PRKAR1A: variants seen among roughly 807,000 people sequenced by gnomAD.
PRKAR1A encodes cAMP-dependent protein kinase type I-alpha regulatory subunit.
A neutral mutation model predicts 52.0 loss-of-function variants in PRKAR1A; 3 were observed. That is an observed-to-expected ratio of 0.06 (90% CI 0.03 to 0.15). The LOEUF is 0.15. Among genes scored for constraint, PRKAR1A ranks in the 10% least tolerant of loss-of-function variants. PRKAR1A has a pLI of 1.00. For missense variants in PRKAR1A, 240 were observed against 477.4 expected (o/e 0.50, Z 4.63); for synonymous variants, 188 against 168.4 (o/e 1.12, Z -0.90).
the PRKAR1A span, chr17:68,444,574 G>A: frequency 6.2e-7 from 1 of 1,613,782 alleles, no homozygotes; most frequent in East Asian, 2.2e-5. Context: ...GACTCTTCTA[G>A]GCAAACCAGC....
Position 68,531,829 on chromosome 17 carries a change from A to G in PRKAR1A, c.*1380A>G, listed in dbSNP as rs898390350. 47 of 1,034,946 alleles carry G rather than the reference A, an allele frequency of 4.5e-5. No homozygotes were observed. Among genetic ancestry groups the G allele is most frequent in the African/African-American group, 6.6e-5 (4 of 60,342 alleles). 64.1% of individuals were successfully genotyped at this position (1,034,946 alleles called of 1,614,324 possible). A position where few individuals can be genotyped will look rare whatever the true frequency, so the allele number is the denominator to read the frequency against. Reference sequence around the variant, plus strand: ...AACAGTTTATTTTTATTATTTTTTTAAACAAAATTTCACAGTTCTGTAATG... The same window carrying G: ...AACAGTTTATTTTTATTATTTTTTTGAACAAAATTTCACAGTTCTGTAATG... On this transcript the variant is annotated 3_prime_UTR_variant, in exon 11 of 11. Transcript: ENST00000589228.
At chr17:68,535,087 T>C (rs988584344), downstream of PRKAR1A, 1 of 359,726 alleles carries the variant, frequency 2.8e-6, no homozygotes, top group Non-Finnish European at 5.4e-6. Flanking sequence ...CATTTTTTAG[T>C]TTGCTGTCAG....
At chr17:68,436,219 C>A in the PRKAR1A span, among the ~76,000 whole-genome samples, 1 of 152,302 alleles carries the variant, frequency 6.6e-6, no homozygotes, top group East Asian at 1.9e-4. Flanking sequence ...TGACTCACAG[C>A]AAGCCCGAGG....
At chr17:68,475,608 C>T in the PRKAR1A span, among the ~76,000 whole-genome samples, 3 of 152,124 alleles carry the variant, frequency 2.0e-5, no homozygotes, top group Admixed American at 1.3e-4. Context: ...GGACTACAGG[C>T]GTGTGCCACC....
the PRKAR1A span, chr17:68,422,023 T>TA: frequency 1.7e-6 from 1 of 605,786 alleles, no homozygotes; most frequent in Non-Finnish European, 3.0e-6. Context: ...TTCTAGAAAA[T>TA]ACTGACTATA....
chr17:68,534,752 G>A (rs2086057670), downstream of PRKAR1A, among the ~76,000 whole-genome samples: 1 of 152,100 alleles, frequency 6.6e-6, no homozygotes, highest in Non-Finnish European at 1.5e-5. Context: ...TTTGCCATGA[G>A]TACAATGTTA....
In PRKAR1A at chr17:68,530,919, A is replaced by G. The variant is rs150903263; in HGVS notation, c.*470A>G. Reference sequence around the variant, plus strand: ...ACTCTAAAGATTAGGGAAAATGGATATAGAAAATCTTAGTATAGTAGAAAG... The same window carrying G: ...ACTCTAAAGATTAGGGAAAATGGATGTAGAAAATCTTAGTATAGTAGAAAG... On this transcript the variant is annotated 3_prime_UTR_variant, in exon 11 of 11. Transcript: ENST00000589228. 4.0e-4 allele frequency: 449 copies of G among 1,114,672 alleles called. 2 individuals are homozygous for G. The African/African-American group carries it at 6.8e-3, about 17-fold the overall frequency. 69.0% of individuals were successfully genotyped at this position (1,114,672 alleles called of 1,614,324 possible).
At chr17:68,536,604 A>G (rs76303881), downstream of PRKAR1A, 5,543 of 452,972 alleles carry the variant, frequency 0.012, 223 homozygotes, top group African/African-American at 0.099. Flanking sequence ...GCCGGGGACA[A>G]TCCTGGGGTC....
In PRKAR1A at chr17:68,533,372, T is replaced by TC. The variant is rs1446886862; in HGVS notation, c.*2929dup. On this transcript the variant is annotated 3_prime_UTR_variant, in exon 11 of 11. Transcript: ENST00000589228. Reference sequence around the variant, plus strand: ...ACCTTTTCTAGATTCAGTAATCCCTTCCCCCCGTCCTCTGGAGTATGAAAC... The same window carrying TC: ...ACCTTTTCTAGATTCAGTAATCCCTTCCCCCCCGTCCTCTGGAGTATGAAAC... 1 of 1,061,846 alleles carries TC rather than the reference T, an allele frequency of 9.4e-7. No homozygotes were observed. Among genetic ancestry groups the TC allele is most frequent in the East Asian group, 5.1e-5 (1 of 19,648 alleles). The allele number at this position is 1,061,846 out of a possible 1,614,324, so 65.8% of individuals were successfully genotyped here.
chr17:68,531,709 C>A lies in PRKAR1A; in HGVS notation c.*1260C>A, dbSNP rs1478782072. The A allele has an allele frequency of 1.9e-6, 2 of 1,061,846 alleles. No individual in the cohort carries two copies. Among genetic ancestry groups the A allele is most frequent in the Non-Finnish European group, 2.3e-6 (2 of 876,136 alleles). The allele number at this position is 1,061,846 out of a possible 1,614,324, so 65.8% of individuals were successfully genotyped here. ...GCATTTATTTCTCTGGCAAACTTTT[C>A]TTTCTTTTCTTTTTTAAAGTAAACT... is the stretch of plus-strand genomic sequence containing the variant. On this transcript the variant is annotated 3_prime_UTR_variant, in exon 11 of 11. Transcript: ENST00000589228.
chr17:68,526,590 G>A (rs2085797927), intron 7 of PRKAR1A, among the ~76,000 whole-genome samples: 1 of 152,158 alleles, frequency 6.6e-6, no homozygotes, highest in Non-Finnish European at 1.5e-5. Context: ...AGATAGATTA[G>A]ATTAGATAGA....
chr17:68,550,369 CTTT>C (rs747654899), intron 11 of PRKAR1A, among the ~76,000 whole-genome samples: 1 of 79,390 alleles, frequency 1.3e-5, no homozygotes, highest in Non-Finnish European at 2.2e-5. Flanking sequence ...AATGGGGGAA[CTTT>C]TTTTTTTTTT....
the PRKAR1A span, among the ~76,000 whole-genome samples, chr17:68,441,862 A>G: frequency 2.0e-5 from 3 of 152,214 alleles, no homozygotes; most frequent in Admixed American, 2.0e-4. Flanking sequence ...TATATCTCCA[A>G]AGAACATCAG....
chr17:68,423,960 G>A, the PRKAR1A span, among the ~76,000 whole-genome samples: 2 of 152,190 alleles, frequency 1.3e-5, no homozygotes, highest in Non-Finnish European at 2.9e-5. The surrounding 1 kb of genome is among the most constrained non-coding windows in gnomAD (Gnocchi z 4.4). Flanking sequence ...GTGTCTGGAT[G>A]TGGTAAACCC....
the PRKAR1A span, chr17:68,430,204 C>G: frequency 1.3e-6 from 2 of 1,557,450 alleles, no homozygotes; most frequent in Non-Finnish European, 1.7e-6. Flanking sequence ...GGCTGCAGGC[C>G]CCACACGCAC....
chr17:68,497,753 A>C, the PRKAR1A span, among the ~76,000 whole-genome samples: 1 of 152,182 alleles, frequency 6.6e-6, no homozygotes, highest in Non-Finnish European at 1.5e-5. Context: ...ACAGCCAGAG[A>C]GGGGCAAGCT....
intron 3 of PRKAR1A, 108 bp from the exon 4 acceptor site, chr17:68,523,617 C>G (rs976526592): frequency 1.2e-5 from 10 of 843,324 alleles, no homozygotes; most frequent in Non-Finnish European, 1.8e-5. Context: ...ACAAAGCAGT[C>G]TTGTTTAAAT....
chr17:68,420,759 T>C, the PRKAR1A span: 2 of 389,468 alleles, frequency 5.1e-6, no homozygotes, highest in Non-Finnish European at 9.2e-6. Context: ...TAACCTAACC[T>C]GCAAGTTGAT....
At chr17:68,501,087 C>T in the PRKAR1A span, among the ~76,000 whole-genome samples, 2 of 147,520 alleles carry the variant, frequency 1.4e-5, no homozygotes, top group East Asian at 2.0e-4. Context: ...GGAGAGAGCT[C>T]GGAGCATACT....
Sources: gnomAD v4.1 joint callset for allele counts (sites outside exome capture counted in the v4.1 genomes callset) on GRCh38, gnomAD v4.1.1 for gene constraint, Gnocchi (gnomAD v3.1) non-coding constraint, MANE v1.5 for transcripts, NCBI Gene and HGNC (gene_info 2026-07-23, HGNC 2026-07-21) for gene names.